The following CBLB variants were observed in gnomAD, a reference collection of about 807,000 sequenced individuals.
The protein encoded by CBLB is Cbl proto-oncogene B.
In CBLB, 31 loss-of-function variants were observed where a neutral mutation model predicts 104.9. That is an observed-to-expected ratio of 0.30 (90% confidence interval 0.22 to 0.40). The LOEUF (loss-of-function observed/expected upper bound fraction) is 0.40, where lower values mean the gene tolerates loss of function less well. CBLB is among the 10% of genes least tolerant of loss of function. CBLB has a pLI of 1.00. For missense variants in CBLB, 1,062 were observed against 1,214.6 expected (o/e 0.87, Z 1.87); for synonymous variants, 440 against 422.6 (o/e 1.04, Z -0.51).
intron 18 of CBLB, among the ~76,000 whole-genome samples, chr3:105,669,143 G>A (rs2064801783): frequency 6.6e-6 from 1 of 151,986 alleles, no homozygotes; most frequent in African/African-American, 2.4e-5. Flanking sequence ...TGGGCACTAT[G>A]TTGGACACTT....
chr3:105,811,571 T>C (rs753658156), intron 3 of CBLB, among the ~76,000 whole-genome samples: 3 of 152,218 alleles, frequency 2.0e-5, no homozygotes, highest in South Asian at 2.1e-4. Context: ...ACTATTGATA[T>C]TGTGCTACAG....
At chr3:105,741,489 A>T (rs983523947) in intron 6 of CBLB, among the ~76,000 whole-genome samples, 2 of 152,090 alleles carry the variant, frequency 1.3e-5, no homozygotes, top group Non-Finnish European at 2.9e-5. Context: ...TCCGCCTCCC[A>T]GGTTCACGCT....
intron 13 of CBLB, among the ~76,000 whole-genome samples, chr3:105,692,392 A>G (rs574691843): frequency 3.5e-4 from 53 of 152,322 alleles, no homozygotes; most frequent in Admixed American, 1.3e-3. Flanking sequence ...TTAAATGAGT[A>G]GGAAATAAAC....
chr3:105,860,538 CAGG>C (rs2092002285), intron 2 of CBLB, among the ~76,000 whole-genome samples: 1 of 152,192 alleles, frequency 6.6e-6, no homozygotes, highest in Non-Finnish European at 1.5e-5. Context: ...CAACCTTGGG[CAGG>C]GTTCTTCTTC....
intron 18 of CBLB, among the ~76,000 whole-genome samples, chr3:105,660,746 A>T (rs1202505563): frequency 1.3e-5 from 2 of 152,194 alleles, no homozygotes; most frequent in Admixed American, 1.3e-4. Flanking sequence ...CTGTAAGCTG[A>T]TATTTTCAAT....
intron 3 of CBLB, among the ~76,000 whole-genome samples, chr3:105,790,793 T>A (rs1202190305): frequency 6.6e-6 from 1 of 152,178 alleles, no homozygotes; most frequent in East Asian, 1.9e-4. Flanking sequence ...TAGACCAGTA[T>A]GGCAATATGA....
chr3:105,706,470 T>C (rs2070158809), intron 10 of CBLB, among the ~76,000 whole-genome samples: 4 of 152,162 alleles, frequency 2.6e-5, no homozygotes, highest in Admixed American at 2.0e-4. Context: ...AAAAGAATAG[T>C]TCTACCCAGA....
rs1365171803 is a variant in CBLB, at chr3:105,704,019, G to C, written c.1562C>G (p.Ser521Cys). 1 of 1,614,152 alleles carries C rather than the reference G, an allele frequency of 6.2e-7. No homozygotes were observed. The highest frequency in any genetic ancestry group is 1.7e-5 in the Admixed American group (1 of 60,026). ...LDLIQKGIVR[S>C]PCGSPTGSPK... ...TGAACCCGTTGGGCTGCCACAGGGA[G>C]ATCTAACTATGCCTTTCTGAATTAG... The change falls in exon 11 of 19, where the codon TCT (serine) becomes TGT (cysteine). Residue 521 changes from serine (S) to cysteine (C), a missense_variant. Ser to Cys is a moderately radical substitution (Grantham distance 112). Coordinates refer to ENST00000394030, the MANE Select transcript of CBLB (RefSeq NM_170662.5).
intron 4 of CBLB, among the ~76,000 whole-genome samples, chr3:105,758,251 C>T (rs1381189888): frequency 2.0e-5 from 3 of 152,186 alleles, no homozygotes; most frequent in Non-Finnish European, 1.5e-5. Context: ...AGTCACCATA[C>T]AGCAAGTCAT....
rs1323416409 is a variant in CBLB at position 105,670,276 on chromosome 3, A to G, written c.2646T>C (p.Thr882=). 1 of 1,613,142 alleles carries G rather than the reference A, an allele frequency of 6.2e-7. No homozygotes were observed. The highest frequency in any genetic ancestry group is 1.3e-5 in the African/African-American group (1 of 74,994). Residue 882 remains threonine, a synonymous_variant, in exon 18 of 19, where the codon ACT becomes ACC. Transcript: ENST00000394030. ...ARRLPGENVK[T]NRTSQDYDQL... ...GATCATAGTCCTGTGATGTTCTGTTAGTTTTGACATTTTCACCTGGTAACC... is the reference window on the plus strand; with the variant it reads ...GATCATAGTCCTGTGATGTTCTGTTGGTTTTGACATTTTCACCTGGTAACC...
intron 13 of CBLB, among the ~76,000 whole-genome samples, chr3:105,685,717 T>A (rs2066923388): frequency 6.6e-6 from 1 of 152,184 alleles, no homozygotes; most frequent in Non-Finnish European, 1.5e-5. Context: ...GAAAAACTAG[T>A]AACCTGTCGA....
At chr3:105,662,355 G>T (rs1486697270) in intron 18 of CBLB, among the ~76,000 whole-genome samples, 2 of 152,162 alleles carry the variant, frequency 1.3e-5, no homozygotes, top group Non-Finnish European at 2.9e-5. Context: ...ATTGCAGTTT[G>T]GGAGCACACT....
intron 18 of CBLB, among the ~76,000 whole-genome samples, chr3:105,660,817 A>G (rs571178836): frequency 6.6e-6 from 1 of 151,064 alleles, no homozygotes; most frequent in South Asian, 2.1e-4. Context: ...TTCCTTTCTA[A>G]ATCAAAAGAT....
chr3:105,822,973 T>A (rs1246773121), intron 3 of CBLB, among the ~76,000 whole-genome samples: 1 of 152,214 alleles, frequency 6.6e-6, no homozygotes, highest in Non-Finnish European at 1.5e-5. Context: ...GTGCTGCTTT[T>A]GTTCCTGTTT....
intron 3 of CBLB, among the ~76,000 whole-genome samples, chr3:105,834,187 T>C (rs2088051557): frequency 6.6e-6 from 1 of 152,098 alleles, no homozygotes; most frequent in Admixed American, 6.6e-5. Flanking sequence ...AACAATGTAC[T>C]GTATATTGAA....
intron 2 of CBLB, among the ~76,000 whole-genome samples, chr3:105,856,106 CTT>C (rs2091564355): frequency 6.6e-6 from 1 of 152,124 alleles, no homozygotes; most frequent in Non-Finnish European, 1.5e-5. Flanking sequence ...AACCCCAGCA[CTT>C]TGGGAGGCCG....
At chr3:105,840,321 G>T (rs773413247) in intron 3 of CBLB, among the ~76,000 whole-genome samples, 1 of 151,562 alleles carries the variant, frequency 6.6e-6, no homozygotes, top group Non-Finnish European at 1.5e-5. Context: ...TACAGAAAAA[G>T]GTATACTTGA....
intron 4 of CBLB, among the ~76,000 whole-genome samples, chr3:105,774,693 A>C (rs1407928784): frequency 6.6e-6 from 1 of 152,202 alleles, no homozygotes; most frequent in African/African-American, 2.4e-5. Context: ...AGGGAAATAA[A>C]GATGTCTCAA....
intron 3 of CBLB, among the ~76,000 whole-genome samples, chr3:105,848,857 G>A (rs1192030829): frequency 6.6e-6 from 1 of 152,094 alleles, no homozygotes; most frequent in African/African-American, 2.4e-5. Flanking sequence ...AACCAGCGTT[G>A]TCATACCGAT....
Sources: gnomAD v4.1 joint callset for allele counts (sites outside exome capture counted in the v4.1 genomes callset) on GRCh38, gnomAD v4.1.1 for gene constraint, MANE v1.5 for transcripts, NCBI Gene and HGNC (gene_info 2026-07-23, HGNC 2026-07-21) for gene names.